Variants in PGM3 observed in about 807,000 individuals in gnomAD.
PGM3 encodes phosphoglucomutase 3, also known as phosphoacetylglucosamine mutase.
Under a neutral mutation model 66.2 loss-of-function variants are expected in PGM3, and 40 were observed. The ratio of observed to expected loss-of-function variants is 0.60; its 90% CI spans 0.47 to 0.79. PGM3 has a LOEUF of 0.79. Among genes scored for constraint, PGM3 ranks in the 30% least tolerant of loss-of-function variants. PGM3 has a pLI of 0.00. For synonymous variants in PGM3, 191 were observed against 224.2 expected (o/e 0.85, Z 1.32); for missense variants, 537 against 643.4 (o/e 0.83, Z 1.79).
At chr6:83,163,354 A>C (rs1784687080), downstream of PGM3, among the ~76,000 whole-genome samples, 1 of 152,204 alleles carries the variant, frequency 6.6e-6, no homozygotes, top group Admixed American at 6.5e-5. Context: ...AAAAAAATAC[A>C]GTACAAAAGG....
chr6:83,191,073 C>T lies in PGM3; in HGVS notation c.-2-59G>A, dbSNP rs115039399. The T allele has an allele frequency of 2.2e-3, 3,389 of 1,537,972 alleles. 73 individuals are homozygous for T. The African/African-American group carries it at 0.041, about 19-fold the overall frequency. ...CAAGTAATTTCTTAAGAACCATTTG[C>T]TTCAAAAACTGCCACCCCAAACGAA... On this transcript the variant is annotated intron_variant, in intron 1 of 12. Coordinates refer to ENST00000513973, the MANE Select transcript of PGM3 (RefSeq NM_015599.3).
At chr6:83,172,914 CA>C (rs1787394053) in intron 10 of PGM3, among the ~76,000 whole-genome samples, 2 of 152,320 alleles carry the variant, frequency 1.3e-5, no homozygotes, top group African/African-American at 4.8e-5. Context: ...CAGACAACCA[CA>C]GATTGTCCAA....
chr6:83,158,838 AAATTT>A (rs1360263248), downstream of PGM3, among the ~76,000 whole-genome samples: 1 of 152,162 alleles, frequency 6.6e-6, no homozygotes, highest in Non-Finnish European at 1.5e-5. Flanking sequence ...CCCTAGACAC[AAATTT>A]AATTTAAAGC....
chr6:83,162,225 T>C (rs533550251), downstream of PGM3, among the ~76,000 whole-genome samples: 17 of 146,920 alleles, frequency 1.2e-4, no homozygotes, highest in African/African-American at 3.9e-4. Context: ...TTATACTGTT[T>C]GAATTTTTCC....
intron 3 of PGM3, among the ~76,000 whole-genome samples, chr6:83,187,861 A>G (rs1376567424): frequency 6.6e-6 from 1 of 152,190 alleles, no homozygotes; most frequent in East Asian, 1.9e-4. Context: ...CATCACTTAC[A>G]TTAGTTAATA....
chr6:83,169,329 A>T lies in PGM3; in HGVS notation c.1540-6T>A. On this transcript the variant is annotated splice_region_variant and splice_polypyrimidine_tract_variant and intron_variant, in intron 12 of 12. Coordinates refer to ENST00000513973, the MANE Select transcript of PGM3 (RefSeq NM_015599.3). ...GCAAGGTGATCTGCACTTTCCTGCAAATTACATTAAAAGAGATTAGATGAG... is the reference window on the plus strand; with the variant it reads ...GCAAGGTGATCTGCACTTTCCTGCATATTACATTAAAAGAGATTAGATGAG... 1 of 1,613,516 alleles carries T rather than the reference A, an allele frequency of 6.2e-7. No homozygotes were observed. Among genetic ancestry groups the T allele is most frequent in the Non-Finnish European group, 8.5e-7 (1 of 1,179,590 alleles).
chr6:83,178,647 A>G, intron 8 of PGM3, 26 bp downstream of exon 8: 2 of 1,303,480 alleles, frequency 1.5e-6, no homozygotes, highest in Non-Finnish European at 2.2e-6. Context: ...TTAAGAAACT[A>G]CCAGAAAACA....
chr6:83,169,506 G>C, intron 12 of PGM3, 183 bp from the exon 13 acceptor site: 1 of 651,158 alleles, frequency 1.5e-6, no homozygotes, highest in Non-Finnish European at 2.6e-6. Context: ...TTAAATAAAC[G>C]GAAAACAGAC....
chr6:83,159,118 A>C (rs1783567277), downstream of PGM3, among the ~76,000 whole-genome samples: 1 of 152,176 alleles, frequency 6.6e-6, no homozygotes, highest in Non-Finnish European at 1.5e-5. Context: ...AAGTTTCTTG[A>C]ATATATTTTC....
chr6:83,181,308 G>C (rs1371742680), intron 6 of PGM3, among the ~76,000 whole-genome samples: 1 of 151,944 alleles, frequency 6.6e-6, no homozygotes, highest in Non-Finnish European at 1.5e-5. Context: ...TTCTCAAAAA[G>C]GGATCCCCAG....
chr6:83,179,977 A>G lies in PGM3; in HGVS notation c.788-10T>C, dbSNP rs762350453. ...GACTTAATTTCCATTCCTAGCACACAGGATAATTTAACATGCATTTCAGTC... is the reference window on the plus strand; with the variant it reads ...GACTTAATTTCCATTCCTAGCACACGGGATAATTTAACATGCATTTCAGTC... On this transcript the variant is annotated splice_polypyrimidine_tract_variant and intron_variant, in intron 6 of 12. Coordinates refer to ENST00000513973, the MANE Select transcript of PGM3 (RefSeq NM_015599.3). The G allele has an allele frequency of 1.3e-6, 2 of 1,589,528 alleles. No individual in the cohort carries two copies. Among genetic ancestry groups the G allele is most frequent in the Non-Finnish European group, 1.7e-6 (2 of 1,166,110 alleles).
At chr6:83,159,263 C>T (rs1783618672), downstream of PGM3, among the ~76,000 whole-genome samples, 1 of 152,026 alleles carries the variant, frequency 6.6e-6, no homozygotes, top group Non-Finnish European at 1.5e-5. Context: ...ATTTCTTGAA[C>T]ATAATATAAG....
In PGM3 at chr6:83,167,606, A is replaced by G. The variant is rs1032598957; in HGVS notation, c.*1628T>C. 15 of 1,173,836 alleles carry G rather than the reference A, an allele frequency of 1.3e-5. No homozygotes were observed. Among genetic ancestry groups the G allele is most frequent in the Non-Finnish European group, 1.5e-5 (14 of 951,762 alleles). The allele number at this position is 1,173,836 out of a possible 1,614,324, so 72.7% of individuals were successfully genotyped here. ...TTTGACTCTATTCCTGTTCAAAGCT[A>G]TTTCTGTTAACTAAGCTTATCTGCG... On this transcript the variant is annotated 3_prime_UTR_variant, in exon 13 of 13. Coordinates refer to ENST00000513973, the MANE Select transcript of PGM3 (RefSeq NM_015599.3).
At chr6:83,186,776 AT>A (rs1172818781) in intron 4 of PGM3, among the ~76,000 whole-genome samples, 1 of 146,338 alleles carries the variant, frequency 6.8e-6, no homozygotes, top group Non-Finnish European at 1.5e-5. Flanking sequence ...TTAGTTCAGA[AT>A]TTCCCAGCTA....
chr6:83,155,687 A>G, the PGM3 span, among the ~76,000 whole-genome samples: 1 of 152,192 alleles, frequency 6.6e-6, no homozygotes, highest in Non-Finnish European at 1.5e-5. Context: ...TCAGGGTTTT[A>G]TATAAATGGT....
rs370300657 is a variant in PGM3, at chr6:83,172,075, C to T, written c.1243-16G>A. 8 of 1,612,116 alleles carry T rather than the reference C, an allele frequency of 5.0e-6. No homozygotes were observed. Among genetic ancestry groups the T allele is most frequent in the African/African-American group, 1.3e-5 (1 of 74,656 alleles). On this transcript the variant is annotated splice_polypyrimidine_tract_variant and intron_variant, in intron 10 of 12. Coordinates refer to ENST00000513973, the MANE Select transcript of PGM3 (RefSeq NM_015599.3). ...CACCAGCTGCCTGCAAATGGGGAAA[C>T]AAATGGAAGAAACCACTTAACACAA...
At chr6:83,157,189 G>A (rs762172970), downstream of PGM3, 1 of 1,612,718 alleles carries the variant, frequency 6.2e-7, no homozygotes, top group South Asian at 1.1e-5. Flanking sequence ...CAGAGAGATT[G>A]GTTGAGAGTC....
At chr6:83,185,629 T>A (rs1364370974) in intron 4 of PGM3, among the ~76,000 whole-genome samples, 1 of 151,958 alleles carries the variant, frequency 6.6e-6, no homozygotes, top group Non-Finnish European at 1.5e-5. Flanking sequence ...TGTGGTGGCA[T>A]GTGCCTGTAA....
At chr6:83,154,345 CTT>C in the PGM3 span, 1 of 1,049,858 alleles carries the variant, frequency 9.5e-7, no homozygotes, top group Admixed American at 2.0e-5. Context: ...TGAATTAGCT[CTT>C]TGTCAAGTGT....
Sources: gnomAD v4.1 joint callset for allele counts (sites outside exome capture counted in the v4.1 genomes callset) on GRCh38, gnomAD v4.1.1 for gene constraint, MANE v1.5 for transcripts, NCBI Gene and HGNC (gene_info 2026-07-23, HGNC 2026-07-21) for gene names.